Variants in STRBP observed in about 807,000 individuals in gnomAD.
STRBP encodes the protein spermatid perinuclear RNA binding protein.
Under a neutral mutation model 80.1 loss-of-function variants are expected in STRBP, and 13 were observed. The ratio of observed to expected loss-of-function variants is 0.16; its 90% CI spans 0.11 to 0.26. The LOEUF is 0.26. Among genes scored for constraint, STRBP ranks in the 10% least tolerant of loss-of-function variants. The pLI, the probability that STRBP is intolerant of heterozygous loss-of-function variation, is 1.00. For missense variants in STRBP, 485 were observed against 815.2 expected (o/e 0.59, Z 4.93); for synonymous variants, 284 against 291.2 (o/e 0.98, Z 0.25).
chr9:123,137,324 A>G (rs2036397991), intron 14 of STRBP, among the ~76,000 whole-genome samples: 1 of 152,248 alleles, frequency 6.6e-6, no homozygotes. Context: ...TTTTGAGGTC[A>G]GAGATCATGT....
intron 1 of STRBP, among the ~76,000 whole-genome samples, chr9:123,246,298 C>T (rs1376910093): frequency 6.6e-6 from 1 of 152,172 alleles, no homozygotes; most frequent in Non-Finnish European, 1.5e-5. Context: ...TAATTTAAAA[C>T]TAAATGTCAC....
chr9:123,165,606 C>T (rs575270891), intron 6 of STRBP, among the ~76,000 whole-genome samples: 1 of 152,238 alleles, frequency 6.6e-6, no homozygotes, highest in East Asian at 1.9e-4. Context: ...TATAAATAAG[C>T]AGATAATTTA....
chr9:123,132,811 A>G (rs2036193723), intron 17 of STRBP, 34 bp downstream of exon 17: 1 of 1,609,916 alleles, frequency 6.2e-7, no homozygotes, highest in East Asian at 2.2e-5. Flanking sequence ...TCGGCCCAGT[A>G]AAGGGGGCCA....
intron 2 of STRBP, among the ~76,000 whole-genome samples, chr9:123,210,212 G>A (rs912477500): frequency 1.3e-5 from 2 of 151,982 alleles, no homozygotes; most frequent in African/African-American, 4.8e-5. Flanking sequence ...CATCGAAAAT[G>A]AGAAAAACAA....
chr9:123,122,440 T>TAAAAAAAAAAA lies in STRBP; in HGVS notation c.*3146_*3156dup, dbSNP rs59308998. ...TGATTTTCAAACATTCACCCAAAATTAAAAAAAAAAAAAAAAAGAAAAGGC... is the reference window on the plus strand; with the variant it reads ...TGATTTTCAAACATTCACCCAAAATTAAAAAAAAAAAAAAAAAAAAAAAAAAAAGAAAAGGC... On this transcript the variant is annotated 3_prime_UTR_variant, in exon 19 of 19. Coordinates refer to ENST00000348403, the MANE Select transcript of STRBP (RefSeq NM_018387.5). 1.3e-6 allele frequency: 1 copy of TAAAAAAAAAAA among 759,092 alleles called. No homozygotes were observed. The highest frequency in any genetic ancestry group is 2.0e-5 in the African/African-American group (1 of 51,088). 47.0% of individuals were successfully genotyped at this position (759,092 alleles called of 1,614,324 possible). A position where few individuals can be genotyped will look rare whatever the true frequency, so the allele number is the denominator to read the frequency against.
intron 2 of STRBP, among the ~76,000 whole-genome samples, chr9:123,188,538 A>C (rs987922491): frequency 6.6e-6 from 1 of 152,140 alleles, no homozygotes; most frequent in African/African-American, 2.4e-5. Flanking sequence ...GCTACTCGGG[A>C]GGCTGAGGCA....
intron 16 of STRBP, among the ~76,000 whole-genome samples, chr9:123,133,263 T>C (rs1268225869): frequency 6.6e-6 from 1 of 152,214 alleles, no homozygotes; most frequent in East Asian, 1.9e-4. Flanking sequence ...TTTTAGGCCT[T>C]ACTAAAGTAA....
chr9:123,199,541 C>G (rs140985157), intron 2 of STRBP, among the ~76,000 whole-genome samples: 3,513 of 152,248 alleles, frequency 0.023, 62 homozygotes, highest in Middle Eastern at 0.051. Flanking sequence ...TTGTTTGTAT[C>G]ATCTACAGTT....
At chr9:123,130,169 T>G (rs1455969063) in intron 17 of STRBP, among the ~76,000 whole-genome samples, 1 of 152,160 alleles carries the variant, frequency 6.6e-6, no homozygotes, top group Non-Finnish European at 1.5e-5. Flanking sequence ...ACCTGTTATT[T>G]AACCTCTCTG....
chr9:123,184,481 A>T lies in STRBP; in HGVS notation c.-164-183T>A, dbSNP rs188342111. Among the ~76,000 whole-genome samples the T allele has an allele frequency of 2.2e-3, 332 of 152,334 alleles. 1 individual carries two copies. Among genetic ancestry groups the T allele is most frequent in the African/African-American group, 7.8e-3 (326 of 41,572 alleles). Reference sequence around the variant, plus strand: ...GCCTGGGCCCAGGAGCCTAGGTGATATGGCCAGAAAAGTAAGCCTCCTGTA... The same window carrying T: ...GCCTGGGCCCAGGAGCCTAGGTGATTTGGCCAGAAAAGTAAGCCTCCTGTA... On this transcript the variant is annotated intron_variant, in intron 2 of 18. Coordinates refer to ENST00000348403, the MANE Select transcript of STRBP (RefSeq NM_018387.5).
Position 123,165,213 on chromosome 9 carries a change from G to A in STRBP, c.536-4145C>T, listed in dbSNP as rs1220184161. 6.0e-5 allele frequency among the ~76,000 whole-genome samples: 9 copies of A among 150,588 alleles called. No individual in the cohort carries two copies. The South Asian group carries it at 1.1e-3, about 18-fold the overall frequency. ...GGAGAATCGCTTGAACCCGGGAGGC[G>A]GACATTGCAGTGAGCCGAGATCGCA... On this transcript the variant is annotated intron_variant, in intron 6 of 18. Transcript: ENST00000348403.
chr9:123,160,951 CAAT>C, intron 7 of STRBP, 23 bp downstream of exon 7: 1 of 1,568,738 alleles, frequency 6.4e-7, no homozygotes, highest in Non-Finnish European at 8.6e-7. Flanking sequence ...ACTTTAATAA[CAAT>C]AAGATAGTAA....
At chr9:123,175,325 C>A (rs568944259) in intron 4 of STRBP, among the ~76,000 whole-genome samples, 1 of 152,170 alleles carries the variant, frequency 6.6e-6, no homozygotes, top group Non-Finnish European at 1.5e-5. Context: ...TCTTGATCTA[C>A]CTAGATGGGA....
At chr9:123,266,530 A>G (rs772616029) in intron 1 of STRBP, among the ~76,000 whole-genome samples, 2 of 151,138 alleles carry the variant, frequency 1.3e-5, no homozygotes, top group Non-Finnish European at 2.9e-5. Flanking sequence ...GATCTTCCTT[A>G]GACTCTCAGT....
At chr9:123,240,299 A>AC (rs2040665480) in intron 1 of STRBP, among the ~76,000 whole-genome samples, 1 of 115,110 alleles carries the variant, frequency 8.7e-6, no homozygotes, top group African/African-American at 8.1e-5. Context: ...TGAAACCATT[A>AC]TATTATTATG....
chr9:123,247,361 G>A lies in STRBP; in HGVS notation c.-301-10395C>T, dbSNP rs542643718. Among the ~76,000 whole-genome samples the A allele has an allele frequency of 1.6e-4, 25 of 152,094 alleles. No individual in the cohort carries two copies. In the South Asian group the frequency reaches 4.2e-3, roughly 25 times the overall value. ...CGGCTGACTGCAACCTCCACCTCCC[G>A]CGATCAAAAGATTCTCCTGCCTCAG... On this transcript the variant is annotated intron_variant, in intron 1 of 18. Coordinates refer to ENST00000348403, the MANE Select transcript of STRBP (RefSeq NM_018387.5).
In STRBP at chr9:123,152,445, CAACTGTAAAAAGCCCA is replaced by C. The variant is rs573420369; in HGVS notation, c.1046-4591_1046-4576del. Among the ~76,000 whole-genome samples the C allele has an allele frequency of 2.0e-5, 3 of 152,012 alleles. No homozygotes were observed. The South Asian group carries it at 6.2e-4, about 32-fold the overall frequency. Reference sequence around the variant, plus strand: ...TATATATGATTGTTCATAGAAGCTTCAACTGTAAAAAGCCCAAACTGGAAACTAACTAAATGTCCTA... The same window carrying C: ...TATATATGATTGTTCATAGAAGCTTCAACTGGAAACTAACTAAATGTCCTA... On this transcript the variant is annotated intron_variant, in intron 11 of 18. Transcript: ENST00000348403.
chr9:123,118,365 G>A (rs1048188787), downstream of STRBP, among the ~76,000 whole-genome samples: 4 of 152,210 alleles, frequency 2.6e-5, no homozygotes, highest in African/African-American at 9.7e-5. Context: ...GCAGACACCT[G>A]CATGCAGACA....
At chr9:123,152,742 C>T (rs889870785) in intron 11 of STRBP, among the ~76,000 whole-genome samples, 2 of 151,966 alleles carry the variant, frequency 1.3e-5, no homozygotes, top group African/African-American at 4.8e-5. Context: ...CAGAGAGAGG[C>T]GGGTACGACT....
Sources: gnomAD v4.1 joint callset for allele counts (sites outside exome capture counted in the v4.1 genomes callset) on GRCh38, gnomAD v4.1.1 for gene constraint, MANE v1.5 for transcripts, NCBI Gene and HGNC (gene_info 2026-07-23, HGNC 2026-07-21) for gene names.